CUX1: variants seen among roughly 807,000 people sequenced by gnomAD.
CUX1 encodes cut like homeobox 1.
In CUX1, 31 loss-of-function variants were observed where a neutral mutation model predicts 158.8. The observed-to-expected ratio is 0.20, with a 90% CI of 0.15 to 0.26. The LOEUF (loss-of-function observed/expected upper bound fraction) is 0.26, where lower values mean the gene tolerates loss of function less well. Among genes scored for constraint, CUX1 ranks in the 10% least tolerant of loss-of-function variants. CUX1 has a pLI of 1.00. For missense variants in CUX1, 1,589 were observed against 2,014.6 expected (o/e 0.79, Z 4.04); for synonymous variants, 879 against 862.1 (o/e 1.02, Z -0.34).
At chr7:102,122,537 T>C (rs1239563652) in intron 8 of CUX1, among the ~76,000 whole-genome samples, 4 of 152,170 alleles carry the variant, frequency 2.6e-5, no homozygotes, top group Non-Finnish European at 4.4e-5. Flanking sequence ...TTGTCTTTTG[T>C]AGTAACACCA....
chr7:101,935,634 C>T (rs370590466), intron 2 of CUX1, among the ~76,000 whole-genome samples: 137 of 152,316 alleles, frequency 9.0e-4, no homozygotes, highest in African/African-American at 3.2e-3. Context: ...GAGGGCAGCA[C>T]CCAGCAGATG....
At chr7:101,842,092 T>C in intron 1 of CUX1, among the ~76,000 whole-genome samples, 1 of 151,400 alleles carries the variant, frequency 6.6e-6, no homozygotes, top group African/African-American at 2.5e-5. Context: ...TTGACACTTT[T>C]CTTTAATGGC....
intron 8 of CUX1, among the ~76,000 whole-genome samples, chr7:102,132,604 T>G (rs1329895103): frequency 2.6e-5 from 4 of 151,918 alleles, no homozygotes; most frequent in Non-Finnish European, 5.9e-5. Context: ...TAGTTCCGCC[T>G]TCTTGCAACA....
At chr7:102,057,673 T>G (rs1824318799) in intron 3 of CUX1, among the ~76,000 whole-genome samples, 1 of 152,238 alleles carries the variant, frequency 6.6e-6, no homozygotes, top group East Asian at 1.9e-4. Flanking sequence ...ACTGAATTGC[T>G]GCAACCTCAT....
chr7:102,100,871 TA>T (rs1829697872), intron 5 of CUX1, among the ~76,000 whole-genome samples: 2 of 152,064 alleles, frequency 1.3e-5, no homozygotes, highest in Admixed American at 6.5e-5. Flanking sequence ...TTAGTCTGGG[TA>T]ATTGATGAAG....
intron 2 of CUX1, among the ~76,000 whole-genome samples, chr7:102,005,726 TG>T (rs1817273383): frequency 6.6e-6 from 1 of 152,140 alleles, no homozygotes; most frequent in African/African-American, 2.4e-5. Flanking sequence ...CTACTCCACC[TG>T]CTGAGGCTGG....
At chr7:101,841,173 G>A (rs542085695) in intron 1 of CUX1, among the ~76,000 whole-genome samples, 6 of 152,190 alleles carry the variant, frequency 3.9e-5, no homozygotes, top group East Asian at 1.9e-4. Context: ...GATTACAGGC[G>A]TGAGCCACCA....
At chr7:102,094,591 A>T (rs1230215576) in intron 4 of CUX1, among the ~76,000 whole-genome samples, 14 of 152,308 alleles carry the variant, frequency 9.2e-5, no homozygotes, top group Middle Eastern at 3.4e-3. Context: ...GAAAAGAATG[A>T]ACTGGAAATG....
Position 102,104,343 on chromosome 7 carries a change from G to A in CUX1, c.414G>A (p.Thr138=), listed in dbSNP as rs143157780. 6.2e-4 allele frequency: 991 copies of A among 1,604,400 alleles called. 9 individuals carry two copies. The African/African-American group carries it at 0.011, about 18-fold the overall frequency. The change falls in exon 6 of 24, where the codon ACG becomes ACA. Residue 138 remains threonine (T), a synonymous_variant. Coordinates refer to ENST00000292535, the MANE Select transcript of CUX1 (RefSeq NM_181552.4). ...EFAEVKNQEV[T]IKALKEKIRE... Reference sequence around the variant, plus strand: ...TTTTTTTCTTTTCTGCAGAGGTTACGATAAAAGCACTTAAAGAGAAAATCC... The same window carrying A: ...TTTTTTTCTTTTCTGCAGAGGTTACAATAAAAGCACTTAAAGAGAAAATCC...
chr7:101,861,608 T>G, intron 1 of CUX1, among the ~76,000 whole-genome samples: 1 of 116,070 alleles, frequency 8.6e-6, no homozygotes, highest in African/African-American at 3.4e-5. Context: ...CAGAGGCACA[T>G]GTAGGGTGGG....
chr7:102,022,254 T>G (rs980987325), intron 2 of CUX1, among the ~76,000 whole-genome samples: 7 of 152,150 alleles, frequency 4.6e-5, no homozygotes, highest in Admixed American at 6.5e-5. Flanking sequence ...ACCTAGAAAA[T>G]TCCTTAATAG....
intron 1 of CUX1, among the ~76,000 whole-genome samples, chr7:101,854,600 A>G (rs1432324210): frequency 6.6e-6 from 1 of 152,196 alleles, no homozygotes; most frequent in Non-Finnish European, 1.5e-5. Context: ...TGTTCCTAAC[A>G]GTTGCCTCCT....
chr7:102,030,691 G>GTTTTTTTTTTTTGTTTTTTGT, intron 3 of CUX1, among the ~76,000 whole-genome samples: 1 of 119,386 alleles, frequency 8.4e-6, no homozygotes, highest in African/African-American at 3.1e-5. Context: ...TTTAAAAAGT[G>GTTTTTTTTTTTTGTTTTTTGT]TTTTTTTTTT....
chr7:102,239,280 A>T (rs376463119), intron 22 of CUX1, 40 bp from the exon 23 acceptor site: 10 of 1,573,180 alleles, frequency 6.4e-6, no homozygotes, highest in Non-Finnish European at 8.6e-6. Flanking sequence ...CTGCTGTCCC[A>T]GCTGGGCCTG....
At chr7:101,973,775 T>A (rs1812297356) in intron 2 of CUX1, among the ~76,000 whole-genome samples, 2 of 150,370 alleles carry the variant, frequency 1.3e-5, no homozygotes. Flanking sequence ...TTTTTCTTTT[T>A]TTTTTTTTTT....
At chr7:101,982,015 A>G (rs1366776051) in intron 2 of CUX1, among the ~76,000 whole-genome samples, 1 of 152,190 alleles carries the variant, frequency 6.6e-6, no homozygotes, top group Non-Finnish European at 1.5e-5. Flanking sequence ...ATGGCCTAAA[A>G]TAAGCAAGCA....
At position 102,197,202 on chromosome 7, in the gene CUX1, T is replaced by C. The variant is rs782813377; in HGVS notation, c.1791T>C (p.Asn597=). Residue 597 remains asparagine (N), a synonymous_variant, in exon 15 of 24, where the codon AAT becomes AAC. Coordinates refer to ENST00000292535, the MANE Select transcript of CUX1 (RefSeq NM_181552.4). The part of the protein sequence containing the change: ...SEILARPKPW[N]KLTVRGKEPF... ...TTCTGGCCCGGCCCAAGCCATGGAA[T>C]AAACTGACTGTTCGTGGCAAGGAGC... is the stretch of plus-strand genomic sequence containing the variant. The C allele has an allele frequency of 6.2e-6, 10 of 1,614,088 alleles. No individual in the cohort carries two copies. In the African/African-American group the frequency reaches 1.3e-4, roughly 22 times the overall value.
At chr7:102,062,186 T>G (rs1824955303) in intron 3 of CUX1, among the ~76,000 whole-genome samples, 1 of 152,206 alleles carries the variant, frequency 6.6e-6, no homozygotes. Flanking sequence ...TGGCTATGCC[T>G]GACATCACTG....
intron 3 of CUX1, among the ~76,000 whole-genome samples, chr7:102,051,786 G>A (rs1823537067): frequency 6.6e-6 from 1 of 152,174 alleles, no homozygotes. Flanking sequence ...GTGGATGGGA[G>A]GAAGACCTAC....
Sources: allele counts gnomAD v4.1 joint callset (sites outside exome capture counted in the v4.1 genomes callset), GRCh38; gene constraint gnomAD v4.1.1; transcripts MANE v1.5; gene names NCBI Gene and HGNC (gene_info 2026-07-23, HGNC 2026-07-21).